HHIPL2: variants seen among roughly 807,000 people sequenced by gnomAD.
The protein encoded by HHIPL2 is HHIP like 2.
In HHIPL2, 61 loss-of-function variants were observed where a neutral mutation model predicts 61.0. That is an observed-to-expected ratio of 1.00 (90% confidence interval 0.81 to 1.24). The LOEUF (loss-of-function observed/expected upper bound fraction) is 1.24, where lower values mean the gene tolerates loss of function less well. Among genes scored for constraint, HHIPL2 ranks in the 50% most tolerant of loss-of-function variants. The pLI is 0.00. For missense variants in HHIPL2, 885 were observed against 910.2 expected, an observed-to-expected ratio of 0.97 and a Z score of 0.36; for synonymous variants, 343 against 357.4, an observed-to-expected ratio of 0.96 and a Z score of 0.45.
At chr1:222,523,724 G>T (rs759396811) in intron 7 of HHIPL2, 30 bp from the exon 8 acceptor site, 7 of 1,605,748 alleles carry the variant, frequency 4.4e-6, no homozygotes, top group South Asian at 3.3e-5. Flanking sequence ...GCATGAGGAC[G>T]CAAGACTCTG....
intron 3 of HHIPL2, among the ~76,000 whole-genome samples, chr1:222,541,688 C>T (rs1272759628): frequency 2.0e-5 from 3 of 152,062 alleles, no homozygotes; most frequent in Non-Finnish European, 2.9e-5. Flanking sequence ...GCACCTGGAA[C>T]ATGGTGTTCA....
chr1:222,543,485 G>T (rs966893324), intron 2 of HHIPL2, 52 bp downstream of exon 2: 1 of 1,496,904 alleles, frequency 6.7e-7, no homozygotes, highest in Non-Finnish European at 9.1e-7. Flanking sequence ...AGACCTGGTT[G>T]GCATTATTTC....
At chr1:222,527,382 C>T (rs1005638674) in intron 6 of HHIPL2, among the ~76,000 whole-genome samples, 3 of 152,220 alleles carry the variant, frequency 2.0e-5, no homozygotes, top group African/African-American at 4.8e-5. Context: ...CCATTTCCTT[C>T]CCCACCTCTT....
chr1:222,531,457 A>G (rs1398869360), intron 6 of HHIPL2, among the ~76,000 whole-genome samples: 1 of 152,228 alleles, frequency 6.6e-6, no homozygotes, highest in Non-Finnish European at 1.5e-5. Flanking sequence ...CATTATAATT[A>G]CATCATGGAG....
chr1:222,545,043 T>A (rs1194031474), intron 1 of HHIPL2, among the ~76,000 whole-genome samples: 1 of 152,216 alleles, frequency 6.6e-6, no homozygotes, highest in Non-Finnish European at 1.5e-5. Context: ...TATCTGCTAC[T>A]TGGACCTCCC....
At chr1:222,533,136 G>A (rs1027678617) in intron 5 of HHIPL2, among the ~76,000 whole-genome samples, 9 of 152,054 alleles carry the variant, frequency 5.9e-5, no homozygotes, top group Admixed American at 5.9e-4. Flanking sequence ...AGGCTGAGGC[G>A]GGTGGATCAC....
In HHIPL2 at chr1:222,522,495, T is replaced by C. The variant is rs1558124544; in HGVS notation, c.*106A>G. Reference sequence around the variant, plus strand: ...GAGGAAAACCGCCCTGCCCCACCTCTACCCTGGCTTCCCAGACTTCTAAGG... The same window carrying C: ...GAGGAAAACCGCCCTGCCCCACCTCCACCCTGGCTTCCCAGACTTCTAAGG... On this transcript the variant is annotated 3_prime_UTR_variant, in exon 9 of 9. Transcript: ENST00000343410. 6.3e-6 allele frequency: 8 copies of C among 1,264,932 alleles called. No homozygotes were observed. Among genetic ancestry groups the C allele is most frequent in the Non-Finnish European group, 8.8e-6 (8 of 913,860 alleles). The allele number at this position is 1,264,932 out of a possible 1,614,324, so 78.4% of individuals were successfully genotyped here.
At chr1:222,525,760 A>G (rs1360365576) in intron 7 of HHIPL2, among the ~76,000 whole-genome samples, 9 of 152,080 alleles carry the variant, frequency 5.9e-5, no homozygotes, top group African/African-American at 1.9e-4. Context: ...GCACTTTGGG[A>G]GGTTGAGGCA....
chr1:222,543,766 TC>T lies in HHIPL2; in HGVS notation c.744del (p.Ser249ValfsTer15), dbSNP rs756804805. 4 of 1,614,132 alleles carry T rather than the reference TC, an allele frequency of 2.5e-6. No individual in the cohort carries two copies. The South Asian group carries it at 4.4e-5, about 18-fold the overall frequency. ...TCCAGGAAGGGTTGCTCCAGGCGAC[TC>T]CCATCAGGGAGGTAGACCCACACCA... ...VGVVWVYLPDGSRLEQPFLDL... is the reference protein window; with the variant it reads ...VGVVWVYLPDXSRLEQPFLDL... On this transcript the variant is annotated frameshift_variant, in exon 2 of 9. Transcript: ENST00000343410. LOFTEE classifies it high-confidence loss of function.
At chr1:222,537,263 A>T (rs1229700656) in intron 5 of HHIPL2, among the ~76,000 whole-genome samples, 2 of 151,638 alleles carry the variant, frequency 1.3e-5, no homozygotes, top group African/African-American at 4.8e-5. Context: ...AATAAAAGAA[A>T]ATGTCCCCAG....
intron 5 of HHIPL2, among the ~76,000 whole-genome samples, chr1:222,538,384 C>T (rs1659350021): frequency 6.6e-6 from 1 of 151,004 alleles, no homozygotes; most frequent in Non-Finnish European, 1.5e-5. Flanking sequence ...AAGCTGGGCC[C>T]CTGTCCCTTT....
At chr1:222,537,321 TGTGATGTTACTGTGTAACATCA>T (rs1269766708) in intron 5 of HHIPL2, among the ~76,000 whole-genome samples, 2 of 151,074 alleles carry the variant, frequency 1.3e-5, no homozygotes, top group South Asian at 2.1e-4. Flanking sequence ...ATCATATTGG[TGTGATGTTACTGTGTAACATCA>T]CACCAATATG....
chr1:222,529,694 T>A (rs1659148701), intron 6 of HHIPL2, among the ~76,000 whole-genome samples: 1 of 152,230 alleles, frequency 6.6e-6, no homozygotes, highest in South Asian at 2.1e-4. Context: ...AGAATTCATT[T>A]GACCAGCCCT....
At chr1:222,544,874 A>G (rs1398124067) in intron 1 of HHIPL2, among the ~76,000 whole-genome samples, 1 of 152,226 alleles carries the variant, frequency 6.6e-6, no homozygotes, top group Non-Finnish European at 1.5e-5. Flanking sequence ...ACTCTCAGAG[A>G]TTAGGTGTTT....
intron 4 of HHIPL2, among the ~76,000 whole-genome samples, chr1:222,539,382 T>C (rs1317067083): frequency 2.0e-5 from 3 of 151,438 alleles, no homozygotes; most frequent in African/African-American, 4.9e-5. Context: ...ATAAAAAAAT[T>C]AGGTAGGAGT....
Position 222,540,357 on chromosome 1 carries a change from C to A in HHIPL2, c.1119-16G>T. On this transcript the variant is annotated splice_polypyrimidine_tract_variant and intron_variant, in intron 3 of 8. Coordinates refer to ENST00000343410, the MANE Select transcript of HHIPL2 (RefSeq NM_024746.4). ...CAGGGAACTTCTGAAAGAAAGAAGG[C>A]CAAGAAGCAGAATGAGGTAAGCAAG... 6.3e-7 allele frequency: 1 copy of A among 1,587,942 alleles called. No homozygotes were observed. Among genetic ancestry groups the A allele is most frequent in the South Asian group, 1.2e-5 (1 of 86,474 alleles).
At chr1:222,528,353 T>C (rs552116374) in intron 6 of HHIPL2, among the ~76,000 whole-genome samples, 1 of 152,330 alleles carries the variant, frequency 6.6e-6, no homozygotes, top group Non-Finnish European at 1.5e-5. Context: ...ATGCCTATAA[T>C]CCCAACACTT....
intron 6 of HHIPL2, among the ~76,000 whole-genome samples, chr1:222,530,751 G>A (rs1024284252): frequency 5.9e-5 from 7 of 118,612 alleles, no homozygotes; most frequent in Admixed American, 5.6e-4. Context: ...TTCTTTTCTT[G>A]TGTATTTTTT....
At position 222,522,751 on chromosome 1, in the gene HHIPL2, G is replaced by T; in HGVS notation, c.2025C>A (p.Ser675Arg). 1 of 1,614,046 alleles carries T rather than the reference G, an allele frequency of 6.2e-7. No homozygotes were observed. The highest frequency in any genetic ancestry group is 8.5e-7 in the Non-Finnish European group (1 of 1,180,032). ...SSKKLASPTS[S>R]KNTLRGPGTK... ...TACCAGGCCCTCGCAATGTATTCTT[G>T]CTGCTTGTAGGAGAAGCCAGCTTCT... The change falls in exon 9 of 9, where the codon AGC becomes AGA. Residue 675 changes from serine (S) to arginine (R), a missense_variant. Transcript: ENST00000343410.
Sources: gnomAD v4.1 joint callset for allele counts (sites outside exome capture counted in the v4.1 genomes callset) on GRCh38, gnomAD v4.1.1 for gene constraint, MANE v1.5 for transcripts, NCBI Gene and HGNC (gene_info 2026-07-23, HGNC 2026-07-21) for gene names.